Variants in TRAPPC10 observed in about 807,000 individuals in gnomAD.
TRAPPC10 encodes the protein trafficking protein particle complex subunit 10.
Under a neutral mutation model 125.5 loss-of-function variants are expected in TRAPPC10, and 23 were observed. The ratio of observed to expected loss-of-function variants is 0.18; its 90% CI spans 0.13 to 0.26. TRAPPC10 has a LOEUF of 0.26. Ranked by LOEUF, TRAPPC10 falls within the 10% of genes least tolerant of loss-of-function variation. The pLI is 1.00. For synonymous variants in TRAPPC10, 509 were observed against 518.0 expected, an observed-to-expected ratio of 0.98 and a Z score of 0.24; for missense variants, 1,123 against 1,308.4, an observed-to-expected ratio of 0.86 and a Z score of 2.19.
chr21:44,016,720 G>A (rs1399432137), intron 1 of TRAPPC10, among the ~76,000 whole-genome samples: 1 of 152,158 alleles, frequency 6.6e-6, no homozygotes, highest in African/African-American at 2.4e-5. Flanking sequence ...GTGCAGTGGT[G>A]TGATCTTGGC....
At chr21:44,037,584 G>A (rs1272318262) in intron 2 of TRAPPC10, among the ~76,000 whole-genome samples, 1 of 152,178 alleles carries the variant, frequency 6.6e-6, no homozygotes, top group African/African-American at 2.4e-5. Context: ...GAAAGATTTT[G>A]TGGAAATGGA....
At chr21:44,081,988 A>C (rs1449559734) in intron 13 of TRAPPC10, among the ~76,000 whole-genome samples, 1 of 152,182 alleles carries the variant, frequency 6.6e-6, no homozygotes, top group Non-Finnish European at 1.5e-5. Context: ...TAGAGCCGTG[A>C]CCACATCTGC....
chr21:44,072,664 A>G (rs932090411), intron 7 of TRAPPC10, among the ~76,000 whole-genome samples: 1 of 152,102 alleles, frequency 6.6e-6, no homozygotes, highest in Non-Finnish European at 1.5e-5. Flanking sequence ...GGGTTTCATC[A>G]TATTGGTCAG....
intron 7 of TRAPPC10, among the ~76,000 whole-genome samples, chr21:44,067,897 G>A (rs938219980): frequency 8.5e-5 from 13 of 152,094 alleles, no homozygotes; most frequent in Non-Finnish European, 1.6e-4. Flanking sequence ...CGAGGTGGGC[G>A]GATCATGAGG....
At position 44,052,623 on chromosome 21, in the gene TRAPPC10, T is replaced by C. The variant is rs888062068; in HGVS notation, c.482+147T>C. 2.3e-5 allele frequency: 17 copies of C among 730,852 alleles called. No homozygotes were observed. In the African/African-American group the frequency reaches 2.5e-4, roughly 11 times the overall value. The allele number at this position is 730,852 out of a possible 1,614,324, so 45.3% of individuals were successfully genotyped here. ...CAAGGAGACCTGGTGCCTGTCCTTGTGGAGTTCCTGTTTAGGCAGGCAAAG... is the reference window on the plus strand; with the variant it reads ...CAAGGAGACCTGGTGCCTGTCCTTGCGGAGTTCCTGTTTAGGCAGGCAAAG... On this transcript the variant is annotated intron_variant, in intron 4 of 22. Transcript: ENST00000291574.
intron 3 of TRAPPC10, among the ~76,000 whole-genome samples, chr21:44,042,568 T>A (rs2034497065): frequency 6.6e-6 from 1 of 152,236 alleles, no homozygotes; most frequent in Non-Finnish European, 1.5e-5. Context: ...ATCAGTTTTT[T>A]TGGACATTTC....
chr21:44,064,275 G>A (rs150491691), intron 7 of TRAPPC10, among the ~76,000 whole-genome samples: 12 of 152,116 alleles, frequency 7.9e-5, no homozygotes, highest in East Asian at 5.8e-4. Context: ...TTAGTAGTAC[G>A]GAGCTTCATG....
intron 20 of TRAPPC10, among the ~76,000 whole-genome samples, chr21:44,094,862 GTTTGTCT>G (rs1179016228): frequency 6.6e-6 from 1 of 151,866 alleles, no homozygotes; most frequent in Non-Finnish European, 1.5e-5. Context: ...TATTTGAAGT[GTTTGTCT>G]TTATAGTTTT....
chr21:44,081,003 T>C (rs2037671673), intron 13 of TRAPPC10, among the ~76,000 whole-genome samples: 1 of 124,766 alleles, frequency 8.0e-6, no homozygotes, highest in Non-Finnish European at 1.5e-5. Flanking sequence ...AATATTATTG[T>C]TCTTTTTTTT....
chr21:44,074,233 G>A, intron 7 of TRAPPC10, 91 bp from the exon 8 acceptor site: 2 of 1,524,590 alleles, frequency 1.3e-6, no homozygotes, highest in South Asian at 1.2e-5. Flanking sequence ...AGGATGGAGG[G>A]TTTTGCACGT....
intron 11 of TRAPPC10, among the ~76,000 whole-genome samples, chr21:44,078,955 C>A (rs1453715550): frequency 1.3e-5 from 2 of 152,118 alleles, no homozygotes; most frequent in African/African-American, 4.8e-5. Context: ...TTAAAAAAAA[C>A]AGTTGTGCTT....
At chr21:44,083,805 A>G in intron 14 of TRAPPC10, among the ~76,000 whole-genome samples, 1 of 152,330 alleles carries the variant, frequency 6.6e-6, no homozygotes, top group Admixed American at 6.5e-5. Context: ...TATTTGTCAC[A>G]TTTTTTAGTC....
intron 3 of TRAPPC10, among the ~76,000 whole-genome samples, chr21:44,046,047 AC>A (rs1198483979): frequency 2.0e-5 from 3 of 151,934 alleles, no homozygotes; most frequent in Non-Finnish European, 4.4e-5. Flanking sequence ...GATGTTTGTT[AC>A]TATACCTTCT....
At chr21:44,083,992 C>T (rs2146121634) in intron 14 of TRAPPC10, 130 bp from the exon 15 acceptor site, 11 of 994,330 alleles carry the variant, frequency 1.1e-5, no homozygotes, top group East Asian at 2.6e-5. Flanking sequence ...GGCACAAGAG[C>T]AGGGGGTACA....
At chr21:44,032,774 C>G (rs2033692138) in intron 2 of TRAPPC10, among the ~76,000 whole-genome samples, 1 of 152,166 alleles carries the variant, frequency 6.6e-6, no homozygotes, top group South Asian at 2.1e-4. Flanking sequence ...ATCTGTGATT[C>G]TTCATGGTTG....
chr21:44,016,865 A>G (rs902712005), intron 1 of TRAPPC10, among the ~76,000 whole-genome samples: 4 of 152,202 alleles, frequency 2.6e-5, no homozygotes, highest in Middle Eastern at 3.4e-3. Flanking sequence ...TCACCGTGTC[A>G]GCCAGGATGG....
At chr21:44,040,658 G>GGCTGGAGT (rs1438918317) in intron 3 of TRAPPC10, among the ~76,000 whole-genome samples, 3 of 151,848 alleles carry the variant, frequency 2.0e-5, no homozygotes, top group African/African-American at 7.3e-5. Flanking sequence ...CTGTCACCCA[G>GGCTGGAGT]GCTGGAGTGC....
chr21:44,033,063 T>C (rs1228477903), intron 2 of TRAPPC10, among the ~76,000 whole-genome samples: 3 of 152,280 alleles, frequency 2.0e-5, no homozygotes, highest in Non-Finnish European at 4.4e-5. Flanking sequence ...GGGAATCCTC[T>C]TCTTGGAAAA....
At chr21:44,090,199 C>A (rs988076672) in intron 18 of TRAPPC10, among the ~76,000 whole-genome samples, 2 of 152,034 alleles carry the variant, frequency 1.3e-5, no homozygotes, top group Non-Finnish European at 2.9e-5. Context: ...ACCACTAGAT[C>A]TCTGTTCATC....
Sources: allele counts gnomAD v4.1 joint callset (sites outside exome capture counted in the v4.1 genomes callset), GRCh38; gene constraint gnomAD v4.1.1; transcripts MANE v1.5; gene names NCBI Gene and HGNC (gene_info 2026-07-23, HGNC 2026-07-21).